The following STRADB variants were observed in gnomAD, a reference collection of about 807,000 sequenced individuals.
STRADB encodes STE20 related adaptor beta.
In STRADB, 34 loss-of-function variants were observed where a neutral mutation model predicts 52.1. That is an observed-to-expected ratio of 0.65 (90% confidence interval 0.50 to 0.87). The LOEUF (loss-of-function observed/expected upper bound fraction) is 0.87, where lower values mean the gene tolerates loss of function less well. STRADB is among the 40% of genes least tolerant of loss of function. STRADB has a pLI of 0.00. For missense variants in STRADB, 340 were observed against 483.9 expected (o/e 0.70, Z 2.79); for synonymous variants, 133 against 174.5 (o/e 0.76, Z 1.87).
At chr2:201,476,457 G>A (rs188280755) in intron 7 of STRADB, among the ~76,000 whole-genome samples, 77 of 150,026 alleles carry the variant, frequency 5.1e-4, no homozygotes, top group Non-Finnish European at 7.4e-4. Flanking sequence ...CCAGATGATT[G>A]GCCATCCTCC....
Position 201,458,796 on chromosome 2 carries a change from A to G in STRADB, c.25A>G (p.Thr9Ala). 1.9e-6 allele frequency: 3 copies of G among 1,613,768 alleles called. No individual in the cohort carries two copies. Among genetic ancestry groups the G allele is most frequent in the Non-Finnish European group, 2.5e-6 (3 of 1,179,858 alleles). The change falls in exon 3 of 12, where the codon ACT (threonine) becomes GCT (alanine). Residue 9 changes from threonine to alanine, a missense_variant. Thr to Ala is a moderately conservative substitution (Grantham distance 58). Transcript: ENST00000194530. ...TTCTGACTTCCAGGATTGCTTCTGC[A>G]CTTCAAGAACACAAGTTGAATCACT... MSLLDCFCTSRTQVESLRP... is the reference protein window; with the variant it reads MSLLDCFCASRTQVESLRP...
intron 3 of STRADB, among the ~76,000 whole-genome samples, chr2:201,468,750 C>A (rs1405603408): frequency 6.6e-6 from 1 of 152,134 alleles, no homozygotes; most frequent in Non-Finnish European, 1.5e-5. Context: ...CATCTCTAGC[C>A]TTCCCGACAG....
chr2:201,469,324 A>G (rs748583813), intron 3 of STRADB, among the ~76,000 whole-genome samples: 1 of 152,112 alleles, frequency 6.6e-6, no homozygotes, highest in South Asian at 2.1e-4. Context: ...TCATACATCC[A>G]TGTTATTTCA....
In STRADB at chr2:201,478,554, C is replaced by T; in HGVS notation, c.1023C>T (p.Ala341=). ...HTPSSKTFSP[A]FFSLVQLCLQ... is the part of the protein sequence containing the mutation. ...CATCCTCAAAAACTTTCTCTCCTGC[C>T]TTCTTTAGCTTGGTACAGCTCTGTT... The change falls in exon 10 of 12, where the codon GCC becomes GCT. Residue 341 remains alanine (A), a synonymous_variant. Transcript: ENST00000194530. The T allele has an allele frequency of 3.7e-6, 6 of 1,613,972 alleles. No individual in the cohort carries two copies. Among genetic ancestry groups the T allele is most frequent in the Non-Finnish European group, 5.1e-6 (6 of 1,180,010 alleles).
At chr2:201,461,490 G>C (rs1053610079) in intron 3 of STRADB, among the ~76,000 whole-genome samples, 1 of 152,138 alleles carries the variant, frequency 6.6e-6, no homozygotes, top group Non-Finnish European at 1.5e-5. Context: ...CTTCTTTTGA[G>C]AAATGTTTAT....
intron 6 of STRADB, among the ~76,000 whole-genome samples, chr2:201,475,357 A>G (rs1478415051): frequency 6.6e-6 from 1 of 152,058 alleles, no homozygotes; most frequent in African/African-American, 2.4e-5. Flanking sequence ...AAAAAAATAT[A>G]TATATATACA....
At position 201,458,899 on chromosome 2, in the gene STRADB, C is replaced by T. The variant is rs575967536; in HGVS notation, c.93+35C>T. 59 of 1,572,050 alleles carry T rather than the reference C, an allele frequency of 3.8e-5. 1 individual carries two copies. Among genetic ancestry groups the T allele is most frequent in the South Asian group, 2.5e-4 (22 of 89,184 alleles). ...TGGTTAGGCTGGATGCAGTGGTTCA[C>T]ACCTGTAATCCCAACACTCTGGGAG... On this transcript the variant is annotated intron_variant, in intron 3 of 11. Transcript: ENST00000194530.
intron 3 of STRADB, among the ~76,000 whole-genome samples, chr2:201,465,251 G>A (rs1300767368): frequency 6.6e-6 from 1 of 152,234 alleles, no homozygotes; most frequent in East Asian, 1.9e-4. Context: ...AAGGCCCACA[G>A]CAGGTACTGC....
intron 4 of STRADB, among the ~76,000 whole-genome samples, chr2:201,472,156 G>T (rs1952399926): frequency 6.6e-6 from 1 of 152,074 alleles, no homozygotes; most frequent in African/African-American, 2.4e-5. Flanking sequence ...ATTGTTTGTG[G>T]GAATATGAAA....
intron 7 of STRADB, among the ~76,000 whole-genome samples, 199 bp from the exon 8 acceptor site, chr2:201,477,420 A>ATTC (rs1338267164): frequency 2.0e-5 from 3 of 152,314 alleles, no homozygotes; most frequent in African/African-American, 7.2e-5. Flanking sequence ...GTGCTGTAGT[A>ATTC]AGTAGCTGAA....
intron 2 of STRADB, among the ~76,000 whole-genome samples, chr2:201,455,957 C>T (rs1336437563): frequency 6.6e-6 from 1 of 152,132 alleles, no homozygotes; most frequent in East Asian, 1.9e-4. Context: ...AAATACATAA[C>T]ACAGTTACTT....
At chr2:201,473,369 G>T (rs2125680907) in intron 5 of STRADB, among the ~76,000 whole-genome samples, 1 of 152,082 alleles carries the variant, frequency 6.6e-6, no homozygotes, top group African/African-American at 2.4e-5. Context: ...GTACATTTAT[G>T]GGGTGGTGTG....
intron 4 of STRADB, 73 bp from the exon 5 acceptor site, chr2:201,472,882 A>G (rs896570999): frequency 8.1e-6 from 12 of 1,473,444 alleles, no homozygotes; most frequent in East Asian, 2.4e-5. Flanking sequence ...AGACTTTTCA[A>G]TTTTGATGAT....
chr2:201,453,294 T>G (rs1442667250), intron 1 of STRADB, among the ~76,000 whole-genome samples: 3 of 152,248 alleles, frequency 2.0e-5, no homozygotes, highest in East Asian at 1.9e-4. Context: ...TTGCTGACAT[T>G]GAGTGAAAAA....
Position 201,480,097 on chromosome 2 carries a change from A to G in STRADB, c.1179A>G (p.Ile393Met), listed in dbSNP as rs911510457. 1 of 1,613,892 alleles carries G rather than the reference A, an allele frequency of 6.2e-7. No homozygotes were observed. Residue 393 changes from isoleucine to methionine, a missense_variant, in exon 12 of 12, where the codon ATA becomes ATG. Ile to Met is a conservative substitution (Grantham distance 10). Coordinates refer to ENST00000194530, the MANE Select transcript of STRADB (RefSeq NM_018571.6). ...CTCCTGCTTATAACAAGCCATCAATATCATTGCCTCCAGTGTTACCTTGGA... is the reference window on the plus strand; with the variant it reads ...CTCCTGCTTATAACAAGCCATCAATGTCATTGCCTCCAGTGTTACCTTGGA... Reference protein sequence around the residue: ...LLPPAYNKPSISLPPVLPWTE... With the variant: ...LLPPAYNKPSMSLPPVLPWTE...
At chr2:201,460,638 A>T (rs1952199074) in intron 3 of STRADB, among the ~76,000 whole-genome samples, 1 of 152,282 alleles carries the variant, frequency 6.6e-6, no homozygotes, top group East Asian at 1.9e-4. Context: ...GGCCTGCCAT[A>T]TTTCACTTAA....
Position 201,477,634 on chromosome 2 carries a change from C to G in STRADB, c.564C>G (p.Ser188Arg). 2 of 1,607,072 alleles carry G rather than the reference C, an allele frequency of 1.2e-6. No homozygotes were observed. Among genetic ancestry groups the G allele is most frequent in the East Asian group, 2.2e-5 (1 of 44,654 alleles). The change falls in exon 8 of 12, where the codon AGC (serine) becomes AGG (arginine). Residue 188 changes from serine (S) to arginine (R), a missense_variant. By Grantham distance (110) the Ser-to-Arg change is moderately radical. Transcript: ENST00000194530. The part of the protein sequence containing the change: ...NGCIHRSIKA[S>R]HILISGDGLV... ...TTTGTTCTAGGAGTATTAAAGCCAG[C>G]CATATCCTCATTTCTGGTGATGGCC...
At chr2:201,475,533 G>A (rs1952458711) in intron 6 of STRADB, 86 bp from the exon 7 acceptor site, 5 of 1,530,480 alleles carry the variant, frequency 3.3e-6, no homozygotes, top group African/African-American at 2.7e-5. Flanking sequence ...GTATGTTTGT[G>A]TTTATGGTTG....
At position 201,479,479 on chromosome 2, in the gene STRADB, A is replaced by C; in HGVS notation, c.1071-10A>C. 6.3e-7 allele frequency: 1 copy of C among 1,594,344 alleles called. No homozygotes were observed. Among genetic ancestry groups the C allele is most frequent in the Non-Finnish European group, 8.5e-7 (1 of 1,175,134 alleles). On this transcript the variant is annotated splice_polypyrimidine_tract_variant and intron_variant, in intron 10 of 11. Coordinates refer to ENST00000194530, the MANE Select transcript of STRADB (RefSeq NM_018571.6). ...AGGTTTTTTTTTTATAACTTTCTTA[A>C]AAATTTCAGGCCATCAGCAAGCAGT... is the stretch of plus-strand genomic sequence containing the variant.
Sources: allele counts gnomAD v4.1 joint callset (sites outside exome capture counted in the v4.1 genomes callset), GRCh38; gene constraint gnomAD v4.1.1; transcripts MANE v1.5; gene names NCBI Gene and HGNC (gene_info 2026-07-23, HGNC 2026-07-21).